The following NEK5 variants were observed in gnomAD, a reference collection of about 807,000 sequenced individuals.
NEK5 encodes NIMA related kinase 5.
NEK5 carries 88 observed loss-of-function variants against 109.2 expected under a neutral mutation model. The ratio of observed to expected loss-of-function variants is 0.81; its 90% CI spans 0.68 to 0.96. The LOEUF (loss-of-function observed/expected upper bound fraction) is 0.96, where lower values mean the gene tolerates loss of function less well. NEK5 is among the 40% of genes least tolerant of loss of function. NEK5 has a pLI of 0.00. For missense variants in NEK5, 834 were observed against 920.7 expected (o/e 0.91, Z 1.22); for synonymous variants, 283 against 299.9 (o/e 0.94, Z 0.58).
intron 9 of NEK5, among the ~76,000 whole-genome samples, chr13:52,103,370 G>A: frequency 6.6e-6 from 1 of 152,256 alleles, no homozygotes. Flanking sequence ...GTCAGAGGTT[G>A]CAGTGAGCTG....
intron 15 of NEK5, among the ~76,000 whole-genome samples, chr13:52,086,651 G>A (rs1955149491): frequency 6.6e-6 from 1 of 152,134 alleles, no homozygotes; most frequent in Non-Finnish European, 1.5e-5. Flanking sequence ...ATGCACTGAA[G>A]TTTGTTCCTC....
At chr13:52,062,871 C>A (rs1221651847) in intron 21 of NEK5, among the ~76,000 whole-genome samples, 1 of 152,120 alleles carries the variant, frequency 6.6e-6, no homozygotes, top group Admixed American at 6.5e-5. Flanking sequence ...GAACTATTAA[C>A]TCTCGAAATC....
rs930792004 is a variant in NEK5 at position 52,034,999 on chromosome 13, T to A, written c.*1949A>T. 1 of 151,328 alleles carries A rather than the reference T, an allele frequency of 6.6e-6. No homozygotes were observed. Among genetic ancestry groups the A allele is most frequent in the African/African-American group, 2.4e-5 (1 of 41,314 alleles). 9.4% of individuals were successfully genotyped at this position (151,328 alleles called of 1,614,324 possible). The stretch of plus-strand genomic sequence containing the variant: ...AGTTCAGAATAAGGATTACATGAAG[T>A]CACTAGCAGTTTTACTATGTCTGAA... On this transcript the variant is annotated 3_prime_UTR_variant, in exon 24 of 24. Coordinates refer to ENST00000684899, the MANE Select transcript of NEK5 (RefSeq NM_001365552.1).
intron 21 of NEK5, among the ~76,000 whole-genome samples, chr13:52,064,318 T>A (rs1343004471): frequency 8.6e-6 from 1 of 115,760 alleles, no homozygotes; most frequent in East Asian, 2.9e-4. Flanking sequence ...GAGGAGCCCC[T>A]CTGCCTGGCC....
chr13:52,052,557 G>T (rs140011529), intron 22 of NEK5, among the ~76,000 whole-genome samples: 15 of 152,274 alleles, frequency 9.9e-5, no homozygotes, highest in African/African-American at 3.4e-4. Flanking sequence ...CTTTGTGGGG[G>T]ACCCAGGATT....
intron 11 of NEK5, among the ~76,000 whole-genome samples, chr13:52,100,584 T>C (rs1385695225): frequency 1.3e-5 from 2 of 152,158 alleles, no homozygotes; most frequent in South Asian, 2.1e-4. Flanking sequence ...CATCAAAATT[T>C]GTTCTTGGGC....
rs550128494 is a variant in NEK5 at position 52,055,889 on chromosome 13, C to T, written c.2111-5668G>A. ...CGAGACTACGAAGAAACTGCACCAACTAACGAGCGAAATAACCAGCTAACA... is the reference window on the plus strand; with the variant it reads ...CGAGACTACGAAGAAACTGCACCAATTAACGAGCGAAATAACCAGCTAACA... On this transcript the variant is annotated intron_variant, in intron 22 of 23. Transcript: ENST00000684899. 1.2e-3 allele frequency among the ~76,000 whole-genome samples: 176 copies of T among 152,066 alleles called. 1 individual carries two copies. Among genetic ancestry groups the T allele is most frequent in the African/African-American group, 3.6e-3 (151 of 41,464 alleles).
intron 4 of NEK5, among the ~76,000 whole-genome samples, chr13:52,117,080 G>A (rs1306952586): frequency 6.6e-6 from 1 of 152,020 alleles, no homozygotes; most frequent in Non-Finnish European, 1.5e-5. Context: ...CACCATGCCC[G>A]GCTAAACGTT....
chr13:52,079,520 T>C (rs1428776425), intron 17 of NEK5, among the ~76,000 whole-genome samples: 1 of 152,284 alleles, frequency 6.6e-6, no homozygotes, highest in Non-Finnish European at 1.5e-5. Context: ...CGGGCTGGTC[T>C]CCAGCTCCTA....
intron 4 of NEK5, among the ~76,000 whole-genome samples, chr13:52,115,473 C>A (rs377464707): frequency 1.3e-5 from 2 of 150,860 alleles, no homozygotes; most frequent in Non-Finnish European, 3.0e-5. Flanking sequence ...GGCATGGTGG[C>A]GGGCGCCTGT....
Position 52,119,332 on chromosome 13 carries a change from G to C in NEK5, c.201C>G (p.Phe67Leu). 6.3e-7 allele frequency: 1 copy of C among 1,577,854 alleles called. No homozygotes were observed. Among genetic ancestry groups the C allele is most frequent in the Middle Eastern group, 1.7e-4 (1 of 5,920 alleles). ...AGAAAATCAAACCTTGAAATGAATT[G>C]AAGAAGGCTACAATGTTGGGATGTT... Reference protein sequence around the residue: ...KMKHPNIVAFFNSFQENGRLF... With the variant: ...KMKHPNIVAFLNSFQENGRLF... The change falls in exon 4 of 24, where the codon TTC (phenylalanine) becomes TTG (leucine). Residue 67 changes from phenylalanine (F) to leucine (L), a missense_variant. Phe to Leu is a conservative substitution (Grantham distance 22). Around this residue, in one of 2 missense-constraint regions of NEK5, gnomAD observed 777 missense variants for 824.7 expected, o/e 0.94. Transcript: ENST00000684899.
In NEK5 at chr13:52,075,774, A is replaced by G; in HGVS notation, c.1706T>C (p.Ile569Thr). The change falls in exon 19 of 24, where the codon ATC (isoleucine) becomes ACC (threonine). Residue 569 changes from isoleucine (I) to threonine (T), a missense_variant. Around this residue, in one of 2 missense-constraint regions of NEK5, gnomAD observed 777 missense variants for 824.7 expected, o/e 0.94. Transcript: ENST00000684899. Reference protein sequence around the residue: ...NLDKCISDENILQEEEAMDIP... With the variant: ...NLDKCISDENTLQEEEAMDIP... ...ATGGCATACCTCTTCCTCTTGGAGGATGTTTTCATCAGAAATACATTTGTC... is the reference window on the plus strand; with the variant it reads ...ATGGCATACCTCTTCCTCTTGGAGGGTGTTTTCATCAGAAATACATTTGTC... The G allele has an allele frequency of 6.4e-7, 1 of 1,573,570 alleles. No homozygotes were observed. Among genetic ancestry groups the G allele is most frequent in the Non-Finnish European group, 8.6e-7 (1 of 1,158,550 alleles).
chr13:52,067,434 C>T (rs896322248), intron 20 of NEK5, among the ~76,000 whole-genome samples: 1 of 152,160 alleles, frequency 6.6e-6, no homozygotes, highest in East Asian at 1.9e-4. Flanking sequence ...AAAACATGCC[C>T]ACAGCTGCAC....
At chr13:52,043,593 A>C (rs2140892094) in intron 23 of NEK5, among the ~76,000 whole-genome samples, 1 of 152,200 alleles carries the variant, frequency 6.6e-6, no homozygotes, top group Admixed American at 6.5e-5. Flanking sequence ...TGCTTAAAAA[A>C]ATACATTAGT....
chr13:52,068,320 G>A (rs992092315), intron 20 of NEK5, among the ~76,000 whole-genome samples: 1 of 151,994 alleles, frequency 6.6e-6, no homozygotes, highest in African/African-American at 2.4e-5. Context: ...ATATTTATTT[G>A]GAAAAAATAT....
chr13:52,074,440 T>A (rs1954832224), intron 19 of NEK5, among the ~76,000 whole-genome samples: 1 of 152,146 alleles, frequency 6.6e-6, no homozygotes, highest in Admixed American at 6.6e-5. Flanking sequence ...TGCAGAAGAA[T>A]GAAACTGGAC....
intron 4 of NEK5, among the ~76,000 whole-genome samples, chr13:52,115,274 T>TACAA (rs919077169): frequency 3.3e-5 from 5 of 151,796 alleles, no homozygotes; most frequent in Non-Finnish European, 2.9e-5. Context: ...GTTCTGGGAT[T>TACAA]ACAAGCGTGA....
intron 23 of NEK5, among the ~76,000 whole-genome samples, chr13:52,038,188 G>A (rs1225120410): frequency 6.6e-6 from 1 of 151,734 alleles, no homozygotes; most frequent in Non-Finnish European, 1.5e-5. Context: ...TAGGCATGGT[G>A]GCGCACACTT....
chr13:52,067,430 T>C (rs1479543099), intron 20 of NEK5, among the ~76,000 whole-genome samples: 4 of 152,170 alleles, frequency 2.6e-5, no homozygotes, highest in African/African-American at 7.2e-5. Context: ...GCCTAAAACA[T>C]GCCCACAGCT....
Sources: allele counts gnomAD v4.1 joint callset (sites outside exome capture counted in the v4.1 genomes callset), GRCh38; gene constraint gnomAD v4.1.1; regional missense constraint gnomAD v4.1.1; transcripts MANE v1.5; gene names NCBI Gene and HGNC (gene_info 2026-07-23, HGNC 2026-07-21).